The following PLSCR2 variants were observed in gnomAD, a reference collection of about 807,000 sequenced individuals.
PLSCR2 encodes the protein PL scramblase 2.
A neutral mutation model predicts 25.3 loss-of-function variants in PLSCR2; 18 were observed. That is an observed-to-expected ratio of 0.71 (90% CI 0.49 to 1.06). The LOEUF is 1.06. PLSCR2 is among the 50% of genes least tolerant of loss of function. The pLI is 0.00. For missense variants in PLSCR2, 243 were observed against 269.5 expected (o/e 0.90, Z 0.69); for synonymous variants, 88 against 87.3 (o/e 1.01, Z -0.04).
downstream of PLSCR2, among the ~76,000 whole-genome samples, chr3:146,441,275 A>C (rs1354029295): frequency 6.6e-6 from 1 of 152,114 alleles, no homozygotes. Flanking sequence ...ATGCATATTA[A>C]ATATTTAGCA....
chr3:146,405,454 G>A, intron 2 of PLSCR2, among the ~76,000 whole-genome samples: 1 of 152,048 alleles, frequency 6.6e-6, no homozygotes, highest in Non-Finnish European at 1.5e-5. Flanking sequence ...GAGTCTGTCT[G>A]GCTCTCTTAG....
At chr3:146,432,717 G>A (rs779599623), downstream of PLSCR2, among the ~76,000 whole-genome samples, 1 of 152,150 alleles carries the variant, frequency 6.6e-6, no homozygotes, top group African/African-American at 2.4e-5. Context: ...TGCTGCTGGT[G>A]AGGTAGAAAA....
At chr3:146,408,307 A>C (rs1201364729) in intron 2 of PLSCR2, among the ~76,000 whole-genome samples, 1 of 152,122 alleles carries the variant, frequency 6.6e-6, no homozygotes, top group Non-Finnish European at 1.5e-5. Flanking sequence ...GTGGACAAAC[A>C]GGTGAAACGG....
At chr3:146,419,331 G>GTT (rs1194988866) in intron 2 of PLSCR2, among the ~76,000 whole-genome samples, 1 of 151,994 alleles carries the variant, frequency 6.6e-6, no homozygotes, top group Non-Finnish European at 1.5e-5. Flanking sequence ...ATACAGTACT[G>GTT]TTAATAACAA....
intron 2 of PLSCR2, among the ~76,000 whole-genome samples, chr3:146,458,833 T>C (rs2041379533): frequency 1.3e-5 from 2 of 152,212 alleles, no homozygotes; most frequent in South Asian, 2.1e-4. Flanking sequence ...CATATAATCA[T>C]TTTGTAGTAA....
At chr3:146,457,151 T>C (rs2041264288) in intron 3 of PLSCR2, among the ~76,000 whole-genome samples, 1 of 152,196 alleles carries the variant, frequency 6.6e-6, no homozygotes, top group South Asian at 2.1e-4. Flanking sequence ...GTAACAATTG[T>C]ATATGTTAAT....
chr3:146,474,932 C>G (rs1317144094), intron 1 of PLSCR2, among the ~76,000 whole-genome samples: 1 of 151,676 alleles, frequency 6.6e-6, no homozygotes, highest in Non-Finnish European at 1.5e-5. Context: ...GTAGATTTGA[C>G]TATTGATACT....
downstream of PLSCR2, among the ~76,000 whole-genome samples, chr3:146,431,021 C>T (rs1465756420): frequency 3.3e-5 from 5 of 152,194 alleles, no homozygotes; most frequent in Non-Finnish European, 7.3e-5. Flanking sequence ...AGCACCCAAA[C>T]TTCTCCTCTC....
chr3:146,444,326 G>A (rs927679640), intron 6 of PLSCR2, among the ~76,000 whole-genome samples: 2 of 151,734 alleles, frequency 1.3e-5, no homozygotes, highest in Admixed American at 6.6e-5. Flanking sequence ...TTGATTTTCT[G>A]TCTGGAAGAT....
chr3:146,494,606 G>C (rs2043681407), intron 1 of PLSCR2: 1 of 151,602 alleles, frequency 6.6e-6, no homozygotes, highest in Non-Finnish European at 1.5e-5. Flanking sequence ...TTATTCTTAA[G>C]TCTATTTAAT....
At chr3:146,474,129 G>T (rs1373068465) in intron 1 of PLSCR2, among the ~76,000 whole-genome samples, 1 of 151,988 alleles carries the variant, frequency 6.6e-6, no homozygotes, top group Non-Finnish European at 1.5e-5. Flanking sequence ...TATCTGTGAT[G>T]TGCATAAGTA....
chr3:146,483,743 C>A (rs2043242778), intron 1 of PLSCR2, among the ~76,000 whole-genome samples: 1 of 151,274 alleles, frequency 6.6e-6, no homozygotes, highest in Non-Finnish European at 1.5e-5. Context: ...GCAGTAACAA[C>A]AGCATCAACA....
upstream of PLSCR2, chr3:146,462,102 A>G (rs2041613008): frequency 4.2e-6 from 2 of 480,738 alleles, no homozygotes; most frequent in Admixed American, 7.5e-5. Flanking sequence ...CTGTCTATAC[A>G]TTTGTAGGTC....
At chr3:146,458,438 T>C in exon 3 of PLSCR2, 1 of 1,498,258 alleles carries the variant, frequency 6.7e-7, no homozygotes, top group East Asian at 2.4e-5. Context: ...TGCTGATGAA[T>C]TAGTATCATA....
At chr3:146,427,750 T>C (rs2039407394) in intron 2 of PLSCR2, among the ~76,000 whole-genome samples, 2 of 152,212 alleles carry the variant, frequency 1.3e-5, no homozygotes, top group South Asian at 2.1e-4. Context: ...TTAGTTTCTA[T>C]ATACCTTGAA....
chr3:146,453,242 G>A (rs895935154), intron 5 of PLSCR2, among the ~76,000 whole-genome samples: 3 of 152,006 alleles, frequency 2.0e-5, no homozygotes, highest in Non-Finnish European at 4.4e-5. Context: ...AAGTGAGGTA[G>A]CCCTACTCAA....
chr3:146,400,528 A>C (rs931032104), intron 2 of PLSCR2, among the ~76,000 whole-genome samples: 10 of 151,584 alleles, frequency 6.6e-5, no homozygotes, highest in Non-Finnish European at 1.3e-4. Context: ...TGAGCAGAAG[A>C]TTCAATATTA....
intron 6 of PLSCR2, among the ~76,000 whole-genome samples, chr3:146,448,137 A>G (rs2040671987): frequency 6.6e-6 from 1 of 152,004 alleles, no homozygotes; most frequent in Non-Finnish European, 1.5e-5. Flanking sequence ...TGATCTTTAA[A>G]CTAGGTACAA....
intron 1 of PLSCR2, 95 bp from the exon 1 acceptor site, chr3:146,469,656 C>T (rs897425577): frequency 1.3e-6 from 1 of 762,024 alleles, no homozygotes; most frequent in African/African-American, 1.9e-5. Context: ...CCTGCAGCAG[C>T]CCCTAGTTTA....
Sources: allele counts gnomAD v4.1 joint callset (sites outside exome capture counted in the v4.1 genomes callset), GRCh38; gene constraint gnomAD v4.1.1; transcripts MANE v1.5; gene names NCBI Gene and HGNC (gene_info 2026-07-23, HGNC 2026-07-21).